The following DGKI variants were observed in gnomAD, a reference collection of about 807,000 sequenced individuals.
DGKI encodes the protein diacylglycerol kinase iota, also known as DAG kinase iota.
In DGKI, 55 loss-of-function variants were observed where a neutral mutation model predicts 147.5. The observed-to-expected ratio is 0.37, with a 90% CI of 0.30 to 0.47. DGKI has a LOEUF of 0.47. DGKI is among the 20% of genes least tolerant of loss of function. The pLI, the probability that DGKI is intolerant of heterozygous loss-of-function variation, is 1.00. For missense variants in DGKI, 1,007 were observed against 1,323.8 expected (o/e 0.76, Z 3.71); for synonymous variants, 469 against 477.1 (o/e 0.98, Z 0.22).
intron 1 of DGKI, among the ~76,000 whole-genome samples, chr7:137,776,616 C>T (rs1796370134): frequency 6.6e-6 from 1 of 152,110 alleles, no homozygotes; most frequent in Admixed American, 6.6e-5. Flanking sequence ...GGAAGGTGTA[C>T]TTAAAGAAGA....
intron 3 of DGKI, among the ~76,000 whole-genome samples, chr7:137,662,833 G>A (rs188883589): frequency 6.6e-6 from 1 of 152,316 alleles, no homozygotes; most frequent in East Asian, 1.9e-4. Flanking sequence ...ACTTGGTAAA[G>A]GCTGAAACCT....
chr7:137,501,408 T>C (rs1188930469), intron 21 of DGKI, among the ~76,000 whole-genome samples: 1 of 152,174 alleles, frequency 6.6e-6, no homozygotes, highest in African/African-American at 2.4e-5. Flanking sequence ...TCCTGGATCA[T>C]ATGGTTAATC....
At chr7:137,665,289 G>A (rs571658710) in intron 3 of DGKI, among the ~76,000 whole-genome samples, 5 of 152,286 alleles carry the variant, frequency 3.3e-5, no homozygotes, top group Admixed American at 2.6e-4. Flanking sequence ...GTGACTGAGA[G>A]CACACAGCCC....
chr7:137,683,520 A>C (rs970275708), intron 2 of DGKI, among the ~76,000 whole-genome samples: 1 of 152,220 alleles, frequency 6.6e-6, no homozygotes, highest in South Asian at 2.1e-4. Flanking sequence ...CATTACAGGC[A>C]TATGCCAACA....
Position 137,577,248 on chromosome 7 carries a change from C to A in DGKI, c.1735G>T (p.Asp579Tyr). ...FSDFLQRSSR[D>Y]LSKHVKVVCD... The stretch of plus-strand genomic sequence containing the variant: ...ACAACTTTAACATGTTTGGATAGAT[C>A]TCTAGAACTTCTCTGTAGGAAGTCA... Residue 579 changes from aspartate (D) to tyrosine (Y), a missense_variant, in exon 17 of 33, where the codon GAT (aspartate) becomes TAT (tyrosine). Physicochemically the swap from Asp to Tyr is radical, Grantham distance 160. Around this residue, in one of 5 missense-constraint regions of DGKI, gnomAD observed 224 missense variants for 382.7 expected, o/e 0.59. Coordinates refer to ENST00000614521, the MANE Select transcript of DGKI (RefSeq NM_001321708.2). 1 of 1,600,134 alleles carries A rather than the reference C, an allele frequency of 6.2e-7. No individual in the cohort carries two copies. The highest frequency in any genetic ancestry group is 1.1e-5 in the South Asian group (1 of 89,348).
intron 12 of DGKI, among the ~76,000 whole-genome samples, chr7:137,596,644 A>C (rs1490559911): frequency 6.6e-6 from 1 of 152,216 alleles, no homozygotes; most frequent in Non-Finnish European, 1.5e-5. Context: ...TGAATTTTAT[A>C]AACTAATAAT....
chr7:137,407,898 A>G lies in DGKI; in HGVS notation c.2897T>C (p.Ile966Thr). Residue 966 changes from isoleucine (I) to threonine (T), a missense_variant, in exon 30 of 33, where the codon ATT (isoleucine) becomes ACT (threonine). This residue lies in a region of DGKI where 385 missense variants were observed against 445.2 expected (regional missense o/e 0.86). Coordinates refer to ENST00000614521, the MANE Select transcript of DGKI (RefSeq NM_001321708.2). The stretch of plus-strand genomic sequence containing the variant: ...ACCGTGGTCAAGGATATATTTCACA[A>G]TCTCCCCGTTGCCGGTTTTAGCTGC... ...HYAAKTGNGE[I>T]VKYILDHGPS... 2 of 1,614,100 alleles carry G rather than the reference A, an allele frequency of 1.2e-6. No individual in the cohort carries two copies. The highest frequency in any genetic ancestry group is 1.3e-5 in the African/African-American group (1 of 75,066).
rs80171132 is a variant in DGKI, at chr7:137,609,084, C to T, written c.1069-20G>A. On this transcript the variant is annotated intron_variant, in intron 9 of 32. Transcript: ENST00000614521. ...TTCCTGCTGAAAGAAGCAATCAGCA[C>T]TGTTAGGATACACATCCATGGCTTG... 7.5e-4 allele frequency: 1,193 copies of T among 1,592,496 alleles called. 9 individuals are homozygous for T. The African/African-American group carries it at 0.015, about 19-fold the overall frequency.
chr7:137,722,774 C>T, intron 1 of DGKI: 17 of 1,427,528 alleles, frequency 1.2e-5, no homozygotes, highest in Non-Finnish European at 1.7e-5. Context: ...AAAATCAAAG[C>T]TATTCCTCAG....
At chr7:137,664,785 G>C (rs994319322) in intron 3 of DGKI, among the ~76,000 whole-genome samples, 8 of 152,160 alleles carry the variant, frequency 5.3e-5, no homozygotes, top group Admixed American at 3.9e-4. Context: ...TCTCCTGTGA[G>C]AGACAGACAA....
chr7:137,540,456 A>G (rs964456987), intron 20 of DGKI, among the ~76,000 whole-genome samples: 3 of 152,150 alleles, frequency 2.0e-5, no homozygotes, highest in Non-Finnish European at 4.4e-5. Flanking sequence ...ATGCTACCAA[A>G]CTCCTAGAAC....
chr7:137,587,308 T>C, intron 12 of DGKI, 98 bp from the exon 13 acceptor site: 5 of 856,342 alleles, frequency 5.8e-6, no homozygotes, highest in Non-Finnish European at 8.4e-6. Flanking sequence ...CTAAACAGAA[T>C]GGTTTTATTT....
intron 1 of DGKI, among the ~76,000 whole-genome samples, chr7:137,709,081 C>G (rs769612181): frequency 6.6e-6 from 1 of 152,086 alleles, no homozygotes; most frequent in African/African-American, 2.4e-5. Context: ...CCTTCTTTTC[C>G]TCAACTGTAA....
chr7:137,722,312 T>A, intron 1 of DGKI: 4 of 1,612,892 alleles, frequency 2.5e-6, no homozygotes, highest in African/African-American at 1.3e-5. Flanking sequence ...GTGGTTAAAC[T>A]TCGCAAAATG....
At position 137,515,674 on chromosome 7, in the gene DGKI, ACTGT is replaced by A. The variant is rs533322617; in HGVS notation, c.2248+6188_2248+6191del. 6.4e-3 allele frequency among the ~76,000 whole-genome samples: 971 copies of A among 152,266 alleles called. 13 individuals are homozygous for A. The highest frequency in any genetic ancestry group is 0.022 in the African/African-American group (911 of 41,566). On this transcript the variant is annotated intron_variant, in intron 21 of 32. Transcript: ENST00000614521. ...AGTATTCAAAATGTCAGCCCCTTAG[ACTGT>A]CTGAGTTTTCTGTGCCTCAATTGCT...
At chr7:137,689,365 T>C (rs1399691200) in intron 2 of DGKI, among the ~76,000 whole-genome samples, 1 of 152,228 alleles carries the variant, frequency 6.6e-6, no homozygotes, top group Non-Finnish European at 1.5e-5. Context: ...GTCAAGTTAA[T>C]AGTTTTTGTG....
chr7:137,676,118 G>A (rs572664702), intron 3 of DGKI, among the ~76,000 whole-genome samples: 81 of 152,196 alleles, frequency 5.3e-4, no homozygotes, highest in Non-Finnish European at 9.9e-4. Flanking sequence ...AGACTGAGAG[G>A]ATTTTCAGTG....
Position 137,545,791 on chromosome 7 carries a change from G to A in DGKI, c.2147+6578C>T, listed in dbSNP as rs576149120. 2.2e-3 allele frequency: 1,185 copies of A among 528,518 alleles called. 4 individuals are homozygous for A. The highest frequency in any genetic ancestry group is 3.2e-3 in the Non-Finnish European group (928 of 293,202). The allele number at this position is 528,518 out of a possible 1,614,324, so 32.7% of individuals were successfully genotyped here. A position where few individuals can be genotyped will look rare whatever the true frequency, so the allele number is the denominator to read the frequency against. ...AACAGAAAGCAATTCTGGTGAGGTG[G>A]CTTCCTTATCTGACGAACAGACCTG... On this transcript the variant is annotated intron_variant, in intron 20 of 32. Transcript: ENST00000614521.
At chr7:137,839,916 GA>G (rs1798496411) in intron 1 of DGKI, among the ~76,000 whole-genome samples, 1 of 152,178 alleles carries the variant, frequency 6.6e-6, no homozygotes, top group Non-Finnish European at 1.5e-5. Context: ...GCCCTTAAAA[GA>G]AAATGCTGTT....
Sources: allele counts gnomAD v4.1 joint callset (sites outside exome capture counted in the v4.1 genomes callset), GRCh38; gene constraint gnomAD v4.1.1; regional missense constraint gnomAD v4.1.1; transcripts MANE v1.5; gene names NCBI Gene and HGNC (gene_info 2026-07-23, HGNC 2026-07-21).